Variants in LARS1 observed in about 807,000 individuals in gnomAD.
The protein encoded by LARS1 is leucyl-tRNA synthetase 1.
LARS1 carries 100 observed loss-of-function variants against 162.8 expected under a neutral mutation model. The ratio of observed to expected loss-of-function variants is 0.61; its 90% confidence interval spans 0.52 to 0.73. LARS1 has a LOEUF of 0.73. Ranked by LOEUF, LARS1 falls within the 30% of genes least tolerant of loss-of-function variation. LARS1 has a pLI of 0.00. For synonymous variants in LARS1, 457 were observed against 462.8 expected, an observed-to-expected ratio of 0.99 and a Z score of 0.16; for missense variants, 1,258 against 1,408.9, an observed-to-expected ratio of 0.89 and a Z score of 1.71.
intron 2 of LARS1, among the ~76,000 whole-genome samples, chr5:146,174,465 CAT>C (rs57666793): frequency 0.35 from 12,358 of 34,900 alleles, 3,371 homozygotes; most frequent in East Asian, 0.61. Flanking sequence ...TATATATATC[CAT>C]ATATATATAT....
intron 23 of LARS1, chr5:146,131,688 A>G (rs1752291484): frequency 1.3e-5 from 2 of 151,074 alleles, no homozygotes; most frequent in Admixed American, 1.3e-4. Flanking sequence ...ACAGGATCTC[A>G]CTTTGTTGCC....
In LARS1 at chr5:146,153,468, G is replaced by A. The variant is rs529004635; in HGVS notation, c.1231-241C>T. On this transcript the variant is annotated intron_variant, in intron 12 of 31. Coordinates refer to ENST00000394434, the MANE Select transcript of LARS1 (RefSeq NM_020117.11). ...AAACCACACAACCAAAAGCAAAAAT[G>A]TACATAGACATACACATATCACTTA... Among the ~76,000 whole-genome samples the A allele has an allele frequency of 4.6e-5, 7 of 152,252 alleles. No homozygotes were observed. In the South Asian group the frequency reaches 1.4e-3, roughly 32 times the overall value.
chr5:146,130,518 T>C, intron 24 of LARS1: 1 of 203,324 alleles, frequency 4.9e-6, no homozygotes. Flanking sequence ...CCCAGCCATT[T>C]ATCCTTATTT....
chr5:146,129,709 C>T (rs1052486671), intron 25 of LARS1, among the ~76,000 whole-genome samples: 6 of 94,016 alleles, frequency 6.4e-5, no homozygotes, highest in African/African-American at 1.6e-4. Context: ...AATACTTACA[C>T]AAATATACAC....
At chr5:146,130,967 A>G (rs1752250955) in intron 24 of LARS1, 52 bp downstream of exon 24, 1 of 1,018,264 alleles carries the variant, frequency 9.8e-7, no homozygotes, top group African/African-American at 1.6e-5. Flanking sequence ...GGGAAAATAC[A>G]TAATGTTCAC....
Position 146,153,821 on chromosome 5 carries a change from A to G in LARS1, c.1154-11T>C. 6.2e-7 allele frequency: 1 copy of G among 1,613,438 alleles called. No homozygotes were observed. The highest frequency in any genetic ancestry group is 1.1e-5 in the South Asian group (1 of 91,054). On this transcript the variant is annotated splice_polypyrimidine_tract_variant and intron_variant, in intron 11 of 31. Coordinates refer to ENST00000394434, the MANE Select transcript of LARS1 (RefSeq NM_020117.11). ...TAACCACACCAGTGCCTTAGAAAACAAAGTGTGGAATTAATAACTAGAACC... is the reference window on the plus strand; with the variant it reads ...TAACCACACCAGTGCCTTAGAAAACGAAGTGTGGAATTAATAACTAGAACC...
intron 21 of LARS1, chr5:146,138,424 G>GAAAAA (rs747873467): frequency 7.6e-6 from 1 of 131,594 alleles, no homozygotes. Flanking sequence ...TGTTAAAAAG[G>GAAAAA]AAAAAAAAAA....
Position 146,149,666 on chromosome 5 carries a change from C to G in LARS1, c.1459G>C (p.Val487Leu). ...MLVDGFKGQK[V>L]QDVKKTIQKK... Reference sequence around the variant, plus strand: ...TGAATAGTCTTCTTTACATCTTGAACCTTCTGTCCTTTAAATCCATCCACC... The same window carrying G: ...TGAATAGTCTTCTTTACATCTTGAAGCTTCTGTCCTTTAAATCCATCCACC... Residue 487 changes from valine to leucine, a missense_variant, in exon 15 of 32, where the codon GTT becomes CTT. Transcript: ENST00000394434. The G allele has an allele frequency of 1.9e-6, 3 of 1,612,880 alleles. No individual in the cohort carries two copies. Among genetic ancestry groups the G allele is most frequent in the African/African-American group, 1.3e-5 (1 of 74,966 alleles).
At chr5:146,176,867 G>C (rs549942277) in intron 2 of LARS1, among the ~76,000 whole-genome samples, 4 of 152,192 alleles carry the variant, frequency 2.6e-5, no homozygotes, top group Admixed American at 2.6e-4. Flanking sequence ...TACATTTTCT[G>C]TCTTTGGAGA....
At chr5:146,153,263 A>C (rs754371840) in intron 12 of LARS1, 36 bp from the exon 13 acceptor site, 2 of 1,383,918 alleles carry the variant, frequency 1.4e-6, no homozygotes, top group South Asian at 2.4e-5. Context: ...CTAATGATCA[A>C]CACTTTACTG....
At chr5:146,173,222 C>T (rs1300444848) in intron 2 of LARS1, among the ~76,000 whole-genome samples, 1 of 151,904 alleles carries the variant, frequency 6.6e-6, no homozygotes, top group Non-Finnish European at 1.5e-5. Context: ...CGCTGATAAT[C>T]CCAGCTACTC....
At chr5:146,138,960 G>A (rs1581032004) in intron 21 of LARS1, 1 of 377,812 alleles carries the variant, frequency 2.6e-6, no homozygotes, top group East Asian at 7.6e-5. Flanking sequence ...TTCCTGCTAA[G>A]GCTATTGGAC....
chr5:146,126,520 T>C lies in LARS1; in HGVS notation c.2906A>G (p.Asn969Ser), dbSNP rs1752053918. 2 of 1,612,012 alleles carry C rather than the reference T, an allele frequency of 1.2e-6. No individual in the cohort carries two copies. The highest frequency in any genetic ancestry group is 1.7e-5 in the Admixed American group (1 of 59,804). Residue 969 changes from asparagine (N) to serine (S), a missense_variant, in exon 28 of 32, where the codon AAC becomes AGC. Physicochemically the swap from Asn to Ser is conservative, Grantham distance 46. Coordinates refer to ENST00000394434, the MANE Select transcript of LARS1 (RefSeq NM_020117.11). ...FEANNGKLPD[N>S]KVIASELGSM... ...GCCTAGTTCACTAGCAATGACTTTG[T>C]TGTCAGGCAGTTTTCCGTTATTGGC... is the stretch of plus-strand genomic sequence containing the variant.
At chr5:146,159,567 C>A in intron 7 of LARS1, 97 bp from the exon 8 acceptor site, 3 of 835,264 alleles carry the variant, frequency 3.6e-6, no homozygotes, top group East Asian at 2.6e-5. Context: ...ACATGTCTTG[C>A]AACTAGAATT....
At chr5:146,176,448 CAAAA>C (rs34896615) in intron 2 of LARS1, among the ~76,000 whole-genome samples, 5 of 76,998 alleles carry the variant, frequency 6.5e-5, no homozygotes, top group Non-Finnish European at 4.8e-5. Flanking sequence ...AAGACTGTCT[CAAAA>C]AAAAAAAAAA....
intron 14 of LARS1, among the ~76,000 whole-genome samples, chr5:146,150,626 CAAAA>C (rs71581862): frequency 4.4e-5 from 3 of 68,822 alleles, no homozygotes; most frequent in Non-Finnish European, 2.8e-5. Flanking sequence ...GACTCCGTCT[CAAAA>C]AAAAAAAAAA....
At chr5:146,156,693 C>CA (rs66505764) in intron 10 of LARS1, among the ~76,000 whole-genome samples, 147 of 116,416 alleles carry the variant, frequency 1.3e-3, no homozygotes, top group African/African-American at 3.9e-3. Context: ...AAACTGTCTA[C>CA]AAAAAAAAAA....
intron 10 of LARS1, among the ~76,000 whole-genome samples, chr5:146,155,668 G>A (rs1377946868): frequency 6.6e-6 from 1 of 151,766 alleles, no homozygotes; most frequent in African/African-American, 2.4e-5. Context: ...TATAGAATTT[G>A]CAGTCATATG....
rs1754922505 is a variant in LARS1, at chr5:146,182,584, G to A, written c.-91C>T. On this transcript the variant is annotated 5_prime_UTR_variant, in exon 1 of 32. Transcript: ENST00000394434. ...TACCTTTCCCCTCCCTCTCGGGGAT[G>A]CCAGGCCTCCCACGAAACTAAAGCA... The A allele has an allele frequency of 1.3e-6, 2 of 1,535,358 alleles. No homozygotes were observed. The highest frequency in any genetic ancestry group is 1.7e-5 in the Admixed American group (1 of 59,688).
Sources: gnomAD v4.1 joint callset for allele counts (sites outside exome capture counted in the v4.1 genomes callset) on GRCh38, gnomAD v4.1.1 for gene constraint, MANE v1.5 for transcripts, NCBI Gene and HGNC (gene_info 2026-07-23, HGNC 2026-07-21) for gene names.